Variants in PPP1R36 observed in about 807,000 individuals in gnomAD.
PPP1R36 encodes the protein protein phosphatase 1 regulatory subunit 36.
In PPP1R36, 47 loss-of-function variants were observed where a neutral mutation model predicts 53.4. The observed-to-expected ratio is 0.88, with a 90% CI of 0.70 to 1.12. The LOEUF (loss-of-function observed/expected upper bound fraction) is 1.12, where lower values mean the gene tolerates loss of function less well. Ranked by LOEUF, PPP1R36 falls within the 50% of genes most tolerant of loss-of-function variation. The pLI, the probability that PPP1R36 is intolerant of heterozygous loss-of-function variation, is 0.00. For missense variants in PPP1R36, 456 were observed against 513.9 expected (o/e 0.89, Z 1.09); for synonymous variants, 153 against 170.5 (o/e 0.90, Z 0.80).
intron 8 of PPP1R36, among the ~76,000 whole-genome samples, chr14:64,583,075 A>ATATT (rs773808112): frequency 2.0e-4 from 27 of 133,134 alleles, no homozygotes; most frequent in Non-Finnish European, 2.7e-4. Flanking sequence ...ATATATATAT[A>ATATT]TTTTTTTTTT....
intron 8 of PPP1R36, among the ~76,000 whole-genome samples, chr14:64,578,886 A>G (rs2080364566): frequency 1.3e-5 from 2 of 152,256 alleles, no homozygotes; most frequent in Admixed American, 1.3e-4. Context: ...CACTGGATAA[A>G]GAAAAGGTGG....
intron 2 of PPP1R36, 148 bp from the exon 3 acceptor site, chr14:64,552,666 A>T (rs2080104887): frequency 1.6e-6 from 1 of 614,152 alleles, no homozygotes; most frequent in African/African-American, 1.9e-5. Flanking sequence ...AAATATAATG[A>T]CATGTTTCAT....
chr14:64,558,510 T>G (rs898193308), intron 3 of PPP1R36, among the ~76,000 whole-genome samples: 5 of 151,854 alleles, frequency 3.3e-5, no homozygotes, highest in South Asian at 2.1e-4. Context: ...GCCCAGAAAG[T>G]TGAGGCTGTG....
At chr14:64,571,567 G>A (rs1378691388) in intron 7 of PPP1R36, among the ~76,000 whole-genome samples, 1 of 152,188 alleles carries the variant, frequency 6.6e-6, no homozygotes, top group East Asian at 1.9e-4. Flanking sequence ...GTATATTATA[G>A]TGGTTAAGGG....
Position 64,565,678 on chromosome 14 carries a change from TACA to T in PPP1R36, c.424_426del (p.Thr142del). 1 of 1,612,772 alleles carries T rather than the reference TACA, an allele frequency of 6.2e-7. No individual in the cohort carries two copies. Among genetic ancestry groups the T allele is most frequent in the Non-Finnish European group, 8.5e-7 (1 of 1,178,760 alleles). ...CTGAGATGCAGCGGATCTGTTCTTT[TACA>T]ACATTTATGAGGTATCTATTGCTTA... On this transcript the variant is annotated inframe_deletion, in exon 6 of 12. Transcript: ENST00000298705.
Position 64,589,173 on chromosome 14 carries a change from T to G in PPP1R36, c.1104T>G (p.Pro368=), listed in dbSNP as rs1318357533. The change falls in exon 12 of 12, where the codon CCT becomes CCG. Residue 368 remains proline (P), a synonymous_variant. Transcript: ENST00000298705. ...ACAGAGTTGGCATCTTGGGGGAGCC[T>G]CGATGTCTATTCAACCCACATACGC... is the stretch of plus-strand genomic sequence containing the variant. ...PMPVVGILGE[P]RCLFNPHTLH... The G allele has an allele frequency of 6.2e-7, 1 of 1,612,326 alleles. No homozygotes were observed. The highest frequency in any genetic ancestry group is 1.7e-5 in the Admixed American group (1 of 59,472).
rs573003376 is a variant in PPP1R36 at position 64,553,978 on chromosome 14, C to G, written c.182+1117C>G. Among the ~76,000 whole-genome samples the G allele has an allele frequency of 2.0e-5, 3 of 151,998 alleles. No homozygotes were observed. In the East Asian group the frequency reaches 5.8e-4, roughly 29 times the overall value. On this transcript the variant is annotated intron_variant, in intron 3 of 11. Coordinates refer to ENST00000298705, the MANE Select transcript of PPP1R36 (RefSeq NM_172365.3). ...GTAGAGCTGCTCTGTGTTTAAGTAA[C>G]TCAATGTGGTGAGCCTTATAGTATC...
chr14:64,577,316 C>T (rs2080350288), intron 8 of PPP1R36, among the ~76,000 whole-genome samples: 1 of 152,206 alleles, frequency 6.6e-6, no homozygotes, highest in Non-Finnish European at 1.5e-5. Context: ...TTTGGGGGAA[C>T]ACAAACATTC....
At chr14:64,588,330 G>A in intron 11 of PPP1R36, 35 bp downstream of exon 11, 2 of 1,556,280 alleles carry the variant, frequency 1.3e-6, no homozygotes, top group Non-Finnish European at 1.7e-6. Context: ...TGAGTGCCTT[G>A]AGGTGGCATC....
intron 11 of PPP1R36, 100 bp from the exon 12 acceptor site, chr14:64,589,052 A>G: frequency 1.2e-6 from 1 of 800,332 alleles, no homozygotes; most frequent in African/African-American, 1.7e-5. Context: ...TAGTGTACAT[A>G]CACACACACA....
At chr14:64,569,917 TTAG>T (rs2080289959) in intron 7 of PPP1R36, among the ~76,000 whole-genome samples, 1 of 151,872 alleles carries the variant, frequency 6.6e-6, no homozygotes, top group Non-Finnish European at 1.5e-5. Flanking sequence ...TTTTATATTT[TTAG>T]TAGAGATGGG....
chr14:64,571,382 C>T lies in PPP1R36; in HGVS notation c.533+2935C>T, dbSNP rs185483155. Among the ~76,000 whole-genome samples the T allele has an allele frequency of 4.6e-5, 7 of 152,270 alleles. No individual in the cohort carries two copies. In the East Asian group the frequency reaches 1.3e-3, roughly 29 times the overall value. On this transcript the variant is annotated intron_variant, in intron 7 of 11. Transcript: ENST00000298705. ...CCTCAGGTGATCCACCCACCTCAGC[C>T]TCCCAAAGTGCTGGGATTATAAGCC...
chr14:64,550,960 G>T lies in PPP1R36; in HGVS notation c.109G>T (p.Glu37Ter). The T allele has an allele frequency of 2.5e-6, 4 of 1,609,164 alleles. No individual in the cohort carries two copies. Among genetic ancestry groups the T allele is most frequent in the South Asian group, 1.1e-5 (1 of 90,072 alleles). ...LRLGMWYWKD[E>*]TRTLEFRRFA... ...ATTAGGGATGTGGTACTGGAAAGAT[G>T]AAACCAGAACTCTTGAATTCAGAAG... Residue 37 changes from glutamate (E) to a stop codon, truncating the protein, a stop_gained, in exon 2 of 12, where the codon GAA (glutamate) becomes TAA (stop). Coordinates refer to ENST00000298705, the MANE Select transcript of PPP1R36 (RefSeq NM_172365.3). LOFTEE classifies it high-confidence loss of function.
At chr14:64,573,469 T>C (rs2080318377) in intron 7 of PPP1R36, among the ~76,000 whole-genome samples, 1 of 152,144 alleles carries the variant, frequency 6.6e-6, no homozygotes, top group Admixed American at 6.6e-5. Flanking sequence ...CTGAGGTACG[T>C]AGCCTCCACG....
intron 1 of PPP1R36, chr14:64,550,329 G>T: frequency 7.9e-7 from 1 of 1,267,854 alleles, no homozygotes; most frequent in East Asian, 3.5e-5. Context: ...ACCTCTAATT[G>T]GTTGGTTGCA....
intron 11 of PPP1R36, among the ~76,000 whole-genome samples, chr14:64,588,800 T>C (rs1193671145): frequency 6.6e-6 from 1 of 152,058 alleles, no homozygotes; most frequent in African/African-American, 2.4e-5. Flanking sequence ...CCTCAGGTGA[T>C]CTGCCCGCCT....
Position 64,550,059 on chromosome 14 carries a change from T to C in PPP1R36, c.62T>C (p.Leu21Ser). The stretch of plus-strand genomic sequence containing the variant: ...CGGTTAGGTGGGCAGACCCCTTACT[T>C]GATGGATGTAAGTGCAGCCTTGGTC... ...RKRLGGQTPY[L>S]MDQLGLRLGM... Residue 21 changes from leucine to serine, a missense_variant, in exon 1 of 12, where the codon TTG (leucine) becomes TCG (serine). Leu to Ser is a moderately radical substitution (Grantham distance 145, BLOSUM62 -2). Coordinates refer to ENST00000298705, the MANE Select transcript of PPP1R36 (RefSeq NM_172365.3). The C allele has an allele frequency of 1.9e-6, 3 of 1,564,076 alleles. No individual in the cohort carries two copies. The South Asian group carries it at 3.5e-5, about 18-fold the overall frequency.
In PPP1R36 at chr14:64,588,234, G is replaced by A. The variant is rs775373976; in HGVS notation, c.1021G>A (p.Val341Ile). ...TGAGAAAAAGTATCATCAAGTAGAC[G>A]TCAGATTCCCAGCCGAGATGCAAAA... is the stretch of plus-strand genomic sequence containing the variant. ...VFEKKYHQVD[V>I]RFPAEMQKHV... The change falls in exon 11 of 12, where the codon GTC becomes ATC. Residue 341 changes from valine to isoleucine, a missense_variant. By Grantham distance (29) the Val-to-Ile change is conservative. Transcript: ENST00000298705. 8.7e-6 allele frequency: 14 copies of A among 1,613,950 alleles called. No homozygotes were observed. In the Admixed American group the frequency reaches 1.0e-4, roughly 12 times the overall value.
chr14:64,580,499 A>G (rs1210041367), intron 8 of PPP1R36, among the ~76,000 whole-genome samples: 1 of 152,148 alleles, frequency 6.6e-6, no homozygotes, highest in Non-Finnish European at 1.5e-5. Context: ...TTTTACACAA[A>G]CCTTTAAAGG....
Sources: gnomAD v4.1 joint callset for allele counts (sites outside exome capture counted in the v4.1 genomes callset) on GRCh38, gnomAD v4.1.1 for gene constraint, MANE v1.5 for transcripts, NCBI Gene and HGNC (gene_info 2026-07-23, HGNC 2026-07-21) for gene names.